Variants in MLEC observed in about 807,000 individuals in gnomAD.
The protein encoded by MLEC is malectin.
Under a neutral mutation model 28.7 loss-of-function variants are expected in MLEC, and 7 were observed. The ratio of observed to expected loss-of-function variants is 0.24; its 90% CI spans 0.14 to 0.46. MLEC has a LOEUF of 0.46. MLEC is among the 20% of genes least tolerant of loss of function. The pLI, the probability that MLEC is intolerant of heterozygous loss-of-function variation, is 0.99. For missense variants in MLEC, 237 were observed against 391.1 expected (o/e 0.61, Z 3.32); for synonymous variants, 142 against 164.4 (o/e 0.86, Z 1.04).
intron 1 of MLEC, among the ~76,000 whole-genome samples, chr12:120,693,727 C>T (rs574095274): frequency 6.6e-6 from 1 of 152,210 alleles, no homozygotes; most frequent in Non-Finnish European, 1.5e-5. Context: ...CTGAAGCCCT[C>T]CCTCTTGGGG....
At position 120,694,052 on chromosome 12, in the gene MLEC, T is replaced by TTGCC. The variant is rs773928459; in HGVS notation, c.236-37_236-34dup. ...GGGGTCTTTGCTTTTCTTTTGTGTC[T>TTGCC]TGCCTCTGATGTGCTTTCTCTTTGT... On this transcript the variant is annotated intron_variant, in intron 1 of 4. Transcript: ENST00000228506. This position sits in a 1 kb window ranked among gnomAD's most constrained non-coding sequence, Gnocchi z 4.5. 6.3e-7 allele frequency: 1 copy of TTGCC among 1,581,454 alleles called. No homozygotes were observed. Among genetic ancestry groups the TTGCC allele is most frequent in the Non-Finnish European group, 8.6e-7 (1 of 1,159,610 alleles).
intron 1 of MLEC, among the ~76,000 whole-genome samples, chr12:120,693,809 A>G (rs1882123175): frequency 1.3e-5 from 2 of 152,232 alleles, no homozygotes; most frequent in Non-Finnish European, 2.9e-5. Flanking sequence ...GTCAGGGGGA[A>G]AAAGTCATTT....
At chr12:120,688,884 C>T (rs959114646) in intron 1 of MLEC, among the ~76,000 whole-genome samples, 3 of 152,216 alleles carry the variant, frequency 2.0e-5, no homozygotes, top group Admixed American at 6.5e-5. Context: ...GCAGCGGTAA[C>T]AGCAGCCAAA....
intron 1 of MLEC, among the ~76,000 whole-genome samples, chr12:120,693,226 C>T (rs1404950610): frequency 6.6e-6 from 1 of 152,238 alleles, no homozygotes; most frequent in African/African-American, 2.4e-5. Context: ...GGCAGATTGC[C>T]TTGCCCTGCA....
Position 120,696,312 on chromosome 12 carries a change from T to C in MLEC, c.650-4T>C. 2 of 1,613,936 alleles carry C rather than the reference T, an allele frequency of 1.2e-6. No individual in the cohort carries two copies. The highest frequency in any genetic ancestry group is 1.7e-6 in the Non-Finnish European group (2 of 1,179,992). ...TCTTAACAGTGTTTTCTTCCTTGTG[T>C]TAGATGTACCAAAGCTTCAGCCTCA... is the stretch of plus-strand genomic sequence containing the variant. On this transcript the variant is annotated splice_polypyrimidine_tract_variant and splice_region_variant and intron_variant, in intron 4 of 4. Coordinates refer to ENST00000228506, the MANE Select transcript of MLEC (RefSeq NM_014730.4). The surrounding 1 kb of genome is among the most constrained non-coding windows in gnomAD (Gnocchi z 5.4).
Position 120,687,186 on chromosome 12 carries a change from C to G in MLEC, c.-111C>G. The G allele has an allele frequency of 8.3e-7, 1 of 1,207,358 alleles. No individual in the cohort carries two copies. The highest frequency in any genetic ancestry group is 1.1e-6 in the Non-Finnish European group (1 of 950,822). The allele number at this position is 1,207,358 out of a possible 1,614,324, so 74.8% of individuals were successfully genotyped here. ...AAGGAGGCCTGAGAGCGACATGTCC[C>G]CGGCGGCTCAGGCGGAGCGGCCCGT... On this transcript the variant is annotated 5_prime_UTR_variant, in exon 1 of 5. Transcript: ENST00000228506. This position sits in a 1 kb window ranked among gnomAD's most constrained non-coding sequence, Gnocchi z 8.1.
At chr12:120,691,099 A>G (rs570098918) in intron 1 of MLEC, among the ~76,000 whole-genome samples, 22 of 152,336 alleles carry the variant, frequency 1.4e-4, no homozygotes, top group African/African-American at 5.3e-4. Flanking sequence ...GTTCTCATGG[A>G]GGACAGGCTT....
Position 120,696,647 on chromosome 12 carries a change from A to T in MLEC, c.*102A>T. ...TTCACAATGATTAATGAACAAAAAC[A>T]AAGAGAAAAAAACACACATCAATTA... On this transcript the variant is annotated 3_prime_UTR_variant, in exon 5 of 5. Coordinates refer to ENST00000228506, the MANE Select transcript of MLEC (RefSeq NM_014730.4). This position sits in a 1 kb window ranked among gnomAD's most constrained non-coding sequence, Gnocchi z 5.4. 6.6e-7 allele frequency: 1 copy of T among 1,506,212 alleles called. No individual in the cohort carries two copies. The highest frequency in any genetic ancestry group is 1.3e-5 in the South Asian group (1 of 77,492). The allele number at this position is 1,506,212 out of a possible 1,614,324, so 93.3% of individuals were successfully genotyped here.
In MLEC at chr12:120,687,629, C is replaced by A; in HGVS notation, c.235+98C>A. 1.0e-6 allele frequency: 1 copy of A among 956,606 alleles called. No homozygotes were observed. Among genetic ancestry groups the A allele is most frequent in the Non-Finnish European group, 1.5e-6 (1 of 689,236 alleles). The allele number at this position is 956,606 out of a possible 1,614,324, so 59.3% of individuals were successfully genotyped here. On this transcript the variant is annotated intron_variant, in intron 1 of 4. Transcript: ENST00000228506. The surrounding 1 kb of genome is among the most constrained non-coding windows in gnomAD (Gnocchi z 8.1). ...CCCCGAGCCCCTTTCGACCCTGGGG[C>A]CGCGTCTCTGGAGCGAAGTTTCTCT...
At chr12:120,691,292 G>A (rs976180442) in intron 1 of MLEC, among the ~76,000 whole-genome samples, 2 of 152,240 alleles carry the variant, frequency 1.3e-5, no homozygotes, top group Admixed American at 6.5e-5. Context: ...CTCTCCGTGT[G>A]AGGCATTGTA....
chr12:120,692,557 T>A (rs1308624417), intron 1 of MLEC, among the ~76,000 whole-genome samples: 2 of 152,036 alleles, frequency 1.3e-5, no homozygotes, highest in African/African-American at 2.4e-5. Context: ...TTAACAGTTA[T>A]GTTTATTTTT....
rs1882291327 is a variant in MLEC at position 120,697,683 on chromosome 12, C to G, written c.*1138C>G. 6.5e-6 allele frequency: 1 copy of G among 152,786 alleles called. No homozygotes were observed. Among genetic ancestry groups the G allele is most frequent in the Middle Eastern group, 3.4e-3 (1 of 294 alleles). 9.5% of individuals were successfully genotyped at this position (152,786 alleles called of 1,614,324 possible). On this transcript the variant is annotated 3_prime_UTR_variant, in exon 5 of 5. Transcript: ENST00000228506. The surrounding 1 kb of genome is among the most constrained non-coding windows in gnomAD (Gnocchi z 4.8). ...CAGAGATTTGAGCCCTACTAAGTGA[C>G]TGACCACTGTTTAGAGTGTCTGGTA...
intron 1 of MLEC, among the ~76,000 whole-genome samples, chr12:120,690,017 C>G (rs928704525): frequency 2.0e-5 from 3 of 152,132 alleles, no homozygotes; most frequent in Admixed American, 2.0e-4. Context: ...TCATTTCTGC[C>G]TTGAGGATAG....
rs1290817072 is a variant in MLEC at position 120,694,086 on chromosome 12, C to T, written c.236-5C>T. On this transcript the variant is annotated splice_polypyrimidine_tract_variant and splice_region_variant and intron_variant, in intron 1 of 4. Coordinates refer to ENST00000228506, the MANE Select transcript of MLEC (RefSeq NM_014730.4). This position sits in a 1 kb window ranked among gnomAD's most constrained non-coding sequence, Gnocchi z 4.5. Reference sequence around the variant, plus strand: ...ATGTGCTTTCTCTTTGTCTTTTGTCCTCAGCCTCAGACTATGGCATGAAAC... The same window carrying T: ...ATGTGCTTTCTCTTTGTCTTTTGTCTTCAGCCTCAGACTATGGCATGAAAC... 1.2e-6 allele frequency: 2 copies of T among 1,611,152 alleles called. No homozygotes were observed. Among genetic ancestry groups the T allele is most frequent in the Non-Finnish European group, 1.7e-6 (2 of 1,178,388 alleles).
chr12:120,692,972 G>A (rs1882094940), intron 1 of MLEC, among the ~76,000 whole-genome samples: 2 of 152,092 alleles, frequency 1.3e-5, no homozygotes, highest in Admixed American at 1.3e-4. Context: ...TGTAATCCTA[G>A]CACTTTGGGA....
intron 1 of MLEC, among the ~76,000 whole-genome samples, chr12:120,691,421 G>C (rs1882032902): frequency 6.6e-6 from 1 of 152,248 alleles, no homozygotes; most frequent in African/African-American, 2.4e-5. Flanking sequence ...GACACTTCGT[G>C]TATGTCTTTT....
chr12:120,693,575 C>T (rs1018176152), intron 1 of MLEC, among the ~76,000 whole-genome samples: 3 of 152,194 alleles, frequency 2.0e-5, no homozygotes, highest in African/African-American at 4.8e-5. Flanking sequence ...GAATTTTATT[C>T]GTAAGGACAA....
Position 120,698,025 on chromosome 12 carries a change from CCCT to C in MLEC, c.*1484_*1486del, listed in dbSNP as rs1566015440. ...TATAGGAAATGAAGCTTCCCTGGTC[CCCT>C]CCTTTCTGGCCATTGTCATCCATTT... is the stretch of plus-strand genomic sequence containing the variant. On this transcript the variant is annotated 3_prime_UTR_variant, in exon 5 of 5. Transcript: ENST00000228506. 6.6e-6 allele frequency: 1 copy of C among 152,092 alleles called. No individual in the cohort carries two copies. The allele number at this position is 152,092 out of a possible 1,614,324, so 9.4% of individuals were successfully genotyped here.
rs913288507 is a variant in MLEC at position 120,700,170 on chromosome 12, G to T, written c.*3625G>T. 2.0e-5 allele frequency: 3 copies of T among 152,646 alleles called. No individual in the cohort carries two copies. Among genetic ancestry groups the T allele is most frequent in the African/African-American group, 7.2e-5 (3 of 41,442 alleles). The allele number at this position is 152,646 out of a possible 1,614,324, so 9.5% of individuals were successfully genotyped here. On this transcript the variant is annotated 3_prime_UTR_variant, in exon 5 of 5. Transcript: ENST00000228506. The surrounding 1 kb of genome is among the most constrained non-coding windows in gnomAD (Gnocchi z 4.0). Reference sequence around the variant, plus strand: ...TAGGGGTTGGGGAAGGACCCACCCCGGTCAGCACAGTGCCTTTTCCTCTCC... The same window carrying T: ...TAGGGGTTGGGGAAGGACCCACCCCTGTCAGCACAGTGCCTTTTCCTCTCC...
Sources: allele counts gnomAD v4.1 joint callset (sites outside exome capture counted in the v4.1 genomes callset), GRCh38; gene constraint gnomAD v4.1.1; non-coding constraint Gnocchi (gnomAD v3.1); transcripts MANE v1.5; gene names NCBI Gene and HGNC (gene_info 2026-07-23, HGNC 2026-07-21).